The following DAP variants were observed in gnomAD, a reference collection of about 807,000 sequenced individuals.
The protein encoded by DAP is death-associated protein 1.
A neutral mutation model predicts 13.8 loss-of-function variants in DAP; 8 were observed. That is an observed-to-expected ratio of 0.58 (90% CI 0.34 to 1.05). The LOEUF is 1.05. Ranked by LOEUF, DAP falls within the 50% of genes least tolerant of loss-of-function variation. The probability of loss-of-function intolerance (pLI) is 0.03; values close to 1 mark genes in which losing one functional copy is unlikely to be tolerated. For missense variants in DAP, 106 were observed against 133.2 expected (o/e 0.80, Z 1.01); for synonymous variants, 47 against 47.5 (o/e 0.99, Z 0.04).
rs1737932448 is a variant in DAP, at chr5:10,679,721, C to T, written c.*1335G>A. Reference sequence around the variant, plus strand: ...CCGTCTTTCAAGTGTGAGGCTGTGCCATGCTCCCTCAGGGAGGAGGGGCGC... The same window carrying T: ...CCGTCTTTCAAGTGTGAGGCTGTGCTATGCTCCCTCAGGGAGGAGGGGCGC... On this transcript the variant is annotated 3_prime_UTR_variant, in exon 4 of 4. Coordinates refer to ENST00000230895, the MANE Select transcript of DAP (RefSeq NM_004394.3). 6.6e-6 allele frequency: 1 copy of T among 152,448 alleles called. No individual in the cohort carries two copies. The highest frequency in any genetic ancestry group is 2.1e-4 in the South Asian group (1 of 4,834). 9.4% of individuals were successfully genotyped at this position (152,448 alleles called of 1,614,324 possible).
At chr5:10,691,910 G>A (rs547112365) in intron 2 of DAP, among the ~76,000 whole-genome samples, 1 of 152,254 alleles carries the variant, frequency 6.6e-6, no homozygotes, top group African/African-American at 2.4e-5. Context: ...CTCTTAAAAG[G>A]ACCCTTTGTC....
intron 1 of DAP, among the ~76,000 whole-genome samples, chr5:10,749,790 C>G (rs1013850659): frequency 7.3e-5 from 10 of 137,720 alleles, no homozygotes; most frequent in African/African-American, 2.1e-4. Context: ...TATCCTCCAT[C>G]AGGGCTACAG....
rs545243310 is a variant in DAP, at chr5:10,743,979, A to C, written c.152+4196T>G. 2.0e-5 allele frequency among the ~76,000 whole-genome samples: 3 copies of C among 152,234 alleles called. No individual in the cohort carries two copies. The East Asian group carries it at 5.8e-4, about 29-fold the overall frequency. On this transcript the variant is annotated intron_variant, in intron 2 of 3. Coordinates refer to ENST00000230895, the MANE Select transcript of DAP (RefSeq NM_004394.3). ...AGTCTGTGGAAAGCTACAAGATTAA[A>C]GGGAATAAGAGTTGCATAAACAATT...
intron 2 of DAP, among the ~76,000 whole-genome samples, chr5:10,720,969 G>A (rs62338812): frequency 1.3e-5 from 2 of 152,052 alleles, no homozygotes; most frequent in African/African-American, 4.8e-5. Context: ...ACCAAGGCAC[G>A]CACTTTATGA....
intron 1 of DAP, among the ~76,000 whole-genome samples, chr5:10,758,584 T>C (rs1423764142): frequency 6.6e-6 from 1 of 152,156 alleles, no homozygotes; most frequent in African/African-American, 2.4e-5. Flanking sequence ...ACCTGGGGGA[T>C]GAACAGTGCT....
chr5:10,688,789 GTGGAAC>G (rs1561007059), intron 2 of DAP, among the ~76,000 whole-genome samples: 2 of 152,238 alleles, frequency 1.3e-5, no homozygotes, highest in South Asian at 4.1e-4. Context: ...CAGAGGTGGA[GTGGAAC>G]TCCAGGACGC....
At chr5:10,718,789 C>A (rs569333353) in intron 2 of DAP, among the ~76,000 whole-genome samples, 1 of 152,346 alleles carries the variant, frequency 6.6e-6, no homozygotes, top group South Asian at 2.1e-4. Context: ...TAAGGCCCAC[C>A]AGAAGCAATT....
intron 2 of DAP, among the ~76,000 whole-genome samples, chr5:10,736,628 G>A (rs1404842002): frequency 6.6e-6 from 1 of 152,176 alleles, no homozygotes; most frequent in African/African-American, 2.4e-5. Context: ...TCCCTTGCTG[G>A]CACATAAACG....
chr5:10,713,492 C>T (rs1212576807), intron 2 of DAP, among the ~76,000 whole-genome samples: 2 of 152,216 alleles, frequency 1.3e-5, no homozygotes, highest in African/African-American at 2.4e-5. Context: ...TCATAACGTG[C>T]TTTATCTTGC....
At chr5:10,689,745 G>A (rs910666000) in intron 2 of DAP, among the ~76,000 whole-genome samples, 36 of 152,140 alleles carry the variant, frequency 2.4e-4, no homozygotes, top group Non-Finnish European at 3.8e-4. Flanking sequence ...TGGTGCTGGC[G>A]ACTTGGCTGA....
chr5:10,751,413 C>T (rs1740042872), intron 1 of DAP, among the ~76,000 whole-genome samples: 1 of 152,144 alleles, frequency 6.6e-6, no homozygotes, highest in Admixed American at 6.5e-5. Context: ...GGTCATTTTC[C>T]ACTCTCTTGA....
At chr5:10,728,636 T>C (rs1739353429) in intron 2 of DAP, among the ~76,000 whole-genome samples, 2 of 152,188 alleles carry the variant, frequency 1.3e-5, no homozygotes, top group African/African-American at 4.8e-5. Flanking sequence ...AGTAAACAGA[T>C]ACAATCACCA....
At chr5:10,681,462 G>A (rs1382925490) in intron 3 of DAP, among the ~76,000 whole-genome samples, 5 of 151,346 alleles carry the variant, frequency 3.3e-5, no homozygotes, top group African/African-American at 1.2e-4. Context: ...GGTTGTATGT[G>A]AGGAACGTCC....
intron 1 of DAP, among the ~76,000 whole-genome samples, chr5:10,756,133 C>G (rs1740176028): frequency 1.4e-5 from 2 of 142,630 alleles, no homozygotes; most frequent in South Asian, 4.5e-4. Flanking sequence ...GAGAGAGACC[C>G]TGTCTAGACA....
intron 1 of DAP, among the ~76,000 whole-genome samples, 176 bp downstream of exon 1, chr5:10,760,838 C>G (rs267928): frequency 0.97 from 147,451 of 151,902 alleles, 71,854 homozygotes; most frequent in Non-Finnish European, 1. Context: ...CGGCGGGCTC[C>G]TCCCGGGCCT....
At chr5:10,687,366 CCTT>C (rs1364409743) in intron 2 of DAP, among the ~76,000 whole-genome samples, 5 of 152,250 alleles carry the variant, frequency 3.3e-5, no homozygotes, top group African/African-American at 9.6e-5. Context: ...AAATTGAAAA[CCTT>C]CTGGAAAGAA....
intron 2 of DAP, among the ~76,000 whole-genome samples, chr5:10,725,003 A>C (rs1038118193): frequency 3.3e-5 from 5 of 151,192 alleles, no homozygotes; most frequent in Non-Finnish European, 7.4e-5. Flanking sequence ...CTGACCCAAC[A>C]CCCCATGGGC....
At chr5:10,748,095 T>C (rs986965079) in intron 2 of DAP, 80 bp downstream of exon 2, 42 of 1,017,966 alleles carry the variant, frequency 4.1e-5, no homozygotes, top group Non-Finnish European at 5.4e-5. Context: ...ATCAGAATCA[T>C]AGAACAGAGA....
chr5:10,736,944 G>A (rs1034210161), intron 2 of DAP, among the ~76,000 whole-genome samples: 6 of 152,230 alleles, frequency 3.9e-5, no homozygotes, highest in African/African-American at 1.2e-4. Flanking sequence ...CCATGTTGCG[G>A]CTCTGCCTTT....
Sources: gnomAD v4.1 joint callset for allele counts (sites outside exome capture counted in the v4.1 genomes callset) on GRCh38, gnomAD v4.1.1 for gene constraint, MANE v1.5 for transcripts, NCBI Gene and HGNC (gene_info 2026-07-23, HGNC 2026-07-21) for gene names.